Variants in CABP1 observed in about 807,000 individuals in gnomAD.
The protein encoded by CABP1 is calcium binding protein 1, also known as calcium-binding protein 1.
In CABP1, 17 loss-of-function variants were observed where a neutral mutation model predicts 34.3. The ratio of observed to expected loss-of-function variants is 0.50; its 90% CI spans 0.34 to 0.74. The LOEUF is 0.74. Among genes scored for constraint, CABP1 ranks in the 30% least tolerant of loss-of-function variants. The pLI is 0.01. For synonymous variants in CABP1, 198 were observed against 229.2 expected, an observed-to-expected ratio of 0.86 and a Z score of 1.23; for missense variants, 373 against 511.1, an observed-to-expected ratio of 0.73 and a Z score of 2.61.
intron 1 of CABP1, among the ~76,000 whole-genome samples, chr12:120,653,296 A>G (rs547948787): frequency 6.6e-6 from 1 of 152,178 alleles, no homozygotes; most frequent in Non-Finnish European, 1.5e-5. Context: ...GCCATGCCCT[A>G]GCCACCATGC....
intron 1 of CABP1, among the ~76,000 whole-genome samples, chr12:120,648,942 A>T (rs1201444156): frequency 6.7e-6 from 1 of 149,908 alleles, no homozygotes; most frequent in African/African-American, 2.5e-5. Context: ...CGTCCTTCCC[A>T]TTCATTGGAG....
chr12:120,651,928 A>G (rs1879871072), intron 1 of CABP1, among the ~76,000 whole-genome samples: 1 of 152,214 alleles, frequency 6.6e-6, no homozygotes, highest in Non-Finnish European at 1.5e-5. Context: ...CCCTTGTAAT[A>G]GGTTCCATCC....
chr12:120,658,303 G>A (rs1044003990), intron 1 of CABP1, among the ~76,000 whole-genome samples: 4 of 151,886 alleles, frequency 2.6e-5, no homozygotes, highest in Admixed American at 2.6e-4. Flanking sequence ...TCACTATATC[G>A]CCCAGGCTGG....
the CABP1 span, among the ~76,000 whole-genome samples, chr12:120,680,537 G>C: frequency 6.6e-6 from 1 of 152,198 alleles, no homozygotes; most frequent in Non-Finnish European, 1.5e-5. Context: ...GCTCTCAGAT[G>C]GGGATGACCT....
chr12:120,654,331 G>T (rs1880031256), intron 1 of CABP1, among the ~76,000 whole-genome samples: 1 of 152,162 alleles, frequency 6.6e-6, no homozygotes, highest in Non-Finnish European at 1.5e-5. Flanking sequence ...TTGGAAGGGA[G>T]TCTCGGTCTG....
At chr12:120,656,224 C>A in intron 1 of CABP1, 1 of 1,590,252 alleles carries the variant, frequency 6.3e-7, no homozygotes, top group Non-Finnish European at 8.6e-7. Context: ...ACCTGCTGGG[C>A]CCTGCCTGCA....
rs1880538421 is a variant in CABP1, at chr12:120,660,182, G to T, written c.686-14G>T. The T allele has an allele frequency of 6.2e-7, 1 of 1,613,822 alleles. No homozygotes were observed. The highest frequency in any genetic ancestry group is 1.3e-5 in the African/African-American group (1 of 75,020). On this transcript the variant is annotated splice_polypyrimidine_tract_variant and intron_variant, in intron 2 of 5. Coordinates refer to ENST00000316803, the MANE Select transcript of CABP1 (RefSeq NM_001033677.2). This position sits in a 1 kb window ranked among gnomAD's most constrained non-coding sequence, Gnocchi z 5.0. The stretch of plus-strand genomic sequence containing the variant: ...CCTACCCCTGACCACATCCACCTTT[G>T]CTCACTTCCCCAGAGCTCCGAGAGG...
chr12:120,664,630 A>G (rs886767813), intron 5 of CABP1, among the ~76,000 whole-genome samples: 1 of 152,024 alleles, frequency 6.6e-6, no homozygotes, highest in African/African-American at 2.4e-5. Context: ...TCCCAGCACT[A>G]TGGTAGGCCG....
At position 120,641,375 on chromosome 12, in the gene CABP1, AGGCGCTCGGGACCCTGCCGGCCGC is replaced by A. The variant is rs1565992866; in HGVS notation, c.654+39_654+62del. On this transcript the variant is annotated intron_variant, in intron 1 of 5. Transcript: ENST00000316803. This position sits in a 1 kb window ranked among gnomAD's most constrained non-coding sequence, Gnocchi z 6.7. ...CGCCTCCCGTCAGCGCTCCCGGGAA[AGGCGCTCGGGACCCTGCCGGCCGC>A]GGTTGCGCGTCCACAGCCTCCTCCC... The A allele has an allele frequency of 4.8e-6, 6 of 1,253,544 alleles. No homozygotes were observed. The allele number at this position is 1,253,544 out of a possible 1,614,324, so 77.7% of individuals were successfully genotyped here. A position where few individuals can be genotyped will look rare whatever the true frequency, so the allele number is the denominator to read the frequency against.
chr12:120,664,800 G>A (rs938190057), intron 5 of CABP1, among the ~76,000 whole-genome samples: 9 of 152,040 alleles, frequency 5.9e-5, no homozygotes, highest in East Asian at 3.9e-4. Context: ...GCTTGAACCC[G>A]GGAGGCGGAG....
chr12:120,641,892 A>G lies in CABP1; in HGVS notation c.654+553A>G, dbSNP rs1593152453. 2.6e-5 allele frequency among the ~76,000 whole-genome samples: 4 copies of G among 152,310 alleles called. No homozygotes were observed. The highest frequency in any genetic ancestry group is 2.6e-4 in the Admixed American group (4 of 15,296). The stretch of plus-strand genomic sequence containing the variant: ...GAGGAAAGAGAAGAGGTGTCTGGGT[A>G]GGCATGGAGGGGCATGCAGAGCTGT... On this transcript the variant is annotated intron_variant, in intron 1 of 5. Transcript: ENST00000316803. This position sits in a 1 kb window ranked among gnomAD's most constrained non-coding sequence, Gnocchi z 6.7.
chr12:120,656,915 A>T (rs2137352900), intron 1 of CABP1, among the ~76,000 whole-genome samples: 1 of 152,254 alleles, frequency 6.6e-6, no homozygotes, highest in Middle Eastern at 3.4e-3. Context: ...GAAAGAAAGA[A>T]AACTGGAGTG....
intron 5 of CABP1, among the ~76,000 whole-genome samples, chr12:120,663,522 C>T (rs757039034): frequency 5.3e-5 from 8 of 152,084 alleles, no homozygotes; most frequent in Non-Finnish European, 8.8e-5. Context: ...GTGATCCACC[C>T]GCCTTAGCCT....
chr12:120,642,185 G>A (rs981442403), intron 1 of CABP1, among the ~76,000 whole-genome samples: 1 of 152,126 alleles, frequency 6.6e-6, no homozygotes, highest in Admixed American at 6.5e-5. Flanking sequence ...CCCCTAGTTC[G>A]GAGTCTGTAA....
At chr12:120,679,073 C>CAAAAAA in the CABP1 span, among the ~76,000 whole-genome samples, 2 of 87,070 alleles carry the variant, frequency 2.3e-5, no homozygotes, top group Non-Finnish European at 4.6e-5. Context: ...ACACCATCTC[C>CAAAAAA]AAAAAAAAAA....
intron 1 of CABP1, chr12:120,650,533 C>G: frequency 6.3e-7 from 1 of 1,599,006 alleles, no homozygotes; most frequent in Non-Finnish European, 8.5e-7. Flanking sequence ...ACGGCACAGA[C>G]GGAGGGAGGC....
At chr12:120,664,017 C>A (rs73222797) in intron 5 of CABP1, among the ~76,000 whole-genome samples, 2,488 of 152,354 alleles carry the variant, frequency 0.016, 29 homozygotes, top group Non-Finnish European at 0.024. Flanking sequence ...AGTTGGCCTT[C>A]AAGGCCAGGG....
Position 120,660,335 on chromosome 12 carries a change from G to A in CABP1, c.825G>A (p.Met275Ile). 3 of 1,612,464 alleles carry A rather than the reference G, an allele frequency of 1.9e-6. No homozygotes were observed. The highest frequency in any genetic ancestry group is 2.5e-6 in the Non-Finnish European group (3 of 1,179,780). The change falls in exon 3 of 6, where the codon ATG becomes ATA. Residue 275 changes from methionine to isoleucine, a missense_variant. By Grantham distance (10) the Met-to-Ile change is conservative (BLOSUM62 1). Coordinates refer to ENST00000316803, the MANE Select transcript of CABP1 (RefSeq NM_001033677.2). The surrounding 1 kb of genome is among the most constrained non-coding windows in gnomAD (Gnocchi z 5.0). The part of the protein sequence containing the change: ...ELIELSQQIN[M>I]NLGGHVDFDD... ...TCGAACTGTCCCAGCAGATCAACAT[G>A]AACCGTGAGTCCCTCTACCAGGCAT... is the stretch of plus-strand genomic sequence containing the variant.
chr12:120,678,356 C>A, the CABP1 span, among the ~76,000 whole-genome samples: 1 of 152,200 alleles, frequency 6.6e-6, no homozygotes, highest in African/African-American at 2.4e-5. Flanking sequence ...AACACAGCTG[C>A]TGCACCTTCC....
Sources: gnomAD v4.1 joint callset for allele counts (sites outside exome capture counted in the v4.1 genomes callset) on GRCh38, gnomAD v4.1.1 for gene constraint, Gnocchi (gnomAD v3.1) non-coding constraint, MANE v1.5 for transcripts, NCBI Gene and HGNC (gene_info 2026-07-23, HGNC 2026-07-21) for gene names.